The following PAK5 variants were observed in gnomAD, a reference collection of about 807,000 sequenced individuals.
PAK5 encodes the protein p21 (RAC1) activated kinase 5.
PAK5 carries 16 observed loss-of-function variants against 65.9 expected under a neutral mutation model. That is an observed-to-expected ratio of 0.24 (90% CI 0.16 to 0.37). The LOEUF is 0.37. Ranked by LOEUF, PAK5 falls within the 10% of genes least tolerant of loss-of-function variation. The pLI, the probability that PAK5 is intolerant of heterozygous loss-of-function variation, is 1.00. For missense variants in PAK5, 785 were observed against 903.9 expected (o/e 0.87, Z 1.69); for synonymous variants, 371 against 354.9 (o/e 1.05, Z -0.51).
chr20:9,829,296 T>C (rs932373364), intron 1 of PAK5, among the ~76,000 whole-genome samples: 1 of 152,158 alleles, frequency 6.6e-6, no homozygotes. Context: ...TCAAAGTGGG[T>C]TGATTAATCT....
intron 3 of PAK5, among the ~76,000 whole-genome samples, chr20:9,617,549 CTTTTTTTTTTTT>C (rs532259417): frequency 1.1e-4 from 10 of 94,614 alleles, no homozygotes; most frequent in African/African-American, 1.5e-4. Flanking sequence ...AATCCCAATC[CTTTTTTTTTTTT>C]TTTTTTTTTT....
intron 1 of PAK5, among the ~76,000 whole-genome samples, chr20:9,763,376 A>G (rs2048721866): frequency 6.6e-6 from 1 of 152,234 alleles, no homozygotes; most frequent in Non-Finnish European, 1.5e-5. Flanking sequence ...TCACAGGTGT[A>G]TACTTATCCC....
intron 1 of PAK5, among the ~76,000 whole-genome samples, chr20:9,732,770 T>G (rs73895970): frequency 6.6e-6 from 1 of 152,204 alleles, no homozygotes; most frequent in African/African-American, 2.4e-5. Flanking sequence ...TCCTCTTCAA[T>G]CATACCCCAA....
intron 2 of PAK5, among the ~76,000 whole-genome samples, chr20:9,703,043 A>G (rs1314596266): frequency 6.6e-6 from 1 of 152,150 alleles, no homozygotes; most frequent in Non-Finnish European, 1.5e-5. Context: ...GTCAAGTGAT[A>G]GATTGTACCT....
In PAK5 at chr20:9,769,099, A is replaced by C. The variant is rs191883363; in HGVS notation, c.-161-57664T>G. ...TCCCTTTAACACAGTGAGAACACAG[A>C]GTTCTAACTTACTAGGCCGAACTTC... On this transcript the variant is annotated intron_variant, in intron 1 of 9. Coordinates refer to ENST00000353224, the MANE Select transcript of PAK5 (RefSeq NM_177990.4). Among the ~76,000 whole-genome samples the C allele has an allele frequency of 2.0e-5, 3 of 152,336 alleles. No individual in the cohort carries two copies. The East Asian group carries it at 5.8e-4, about 29-fold the overall frequency.
chr20:9,722,056 GA>G (rs1200677093), intron 1 of PAK5, among the ~76,000 whole-genome samples: 1 of 152,096 alleles, frequency 6.6e-6, no homozygotes, highest in African/African-American at 2.4e-5. Flanking sequence ...GAAAGAAAAA[GA>G]GCTGGTCTAG....
At position 9,771,582 on chromosome 20, in the gene PAK5, A is replaced by ATTTTTTTTTTTTTTTTTTT. The variant is rs545140358; in HGVS notation, c.-161-60148_-161-60147insAAAAAAAAAAAAAAAAAAA. Among the ~76,000 whole-genome samples the ATTTTTTTTTTTTTTTTTTT allele has an allele frequency of 7.7e-4, 84 of 109,736 alleles. 3 individuals carry two copies. The highest frequency in any genetic ancestry group is 2.4e-3 in the African/African-American group (69 of 28,308). 72.0% of individuals were successfully genotyped at this position (109,736 alleles called of 152,430 possible). ...GCCACCACATTCAGTCAATTTTTTAATTTTTTTTTTTTTTTTTTGTAGAAA... is the reference window on the plus strand; with the variant it reads ...GCCACCACATTCAGTCAATTTTTTAATTTTTTTTTTTTTTTTTTTTTTTTTTTTTTTTTTTTTGTAGAAA... On this transcript the variant is annotated intron_variant, in intron 1 of 9. Coordinates refer to ENST00000353224, the MANE Select transcript of PAK5 (RefSeq NM_177990.4).
rs1287891972 is a variant in PAK5 at position 9,571,879 on chromosome 20, G to GC, written c.991-5496_991-5495insG. On this transcript the variant is annotated intron_variant, in intron 4 of 9. Transcript: ENST00000353224. Reference sequence around the variant, plus strand: ...ACAGAGATAGGCATGAATGATGGGGGGGGGGGATGTGGTCTTAACAGGGGC... The same window carrying GC: ...ACAGAGATAGGCATGAATGATGGGGGCGGGGGGATGTGGTCTTAACAGGGGC... Among the ~76,000 whole-genome samples, 112 of 144,568 alleles carry GC rather than the reference G, an allele frequency of 7.7e-4. 2 individuals carry two copies. The highest frequency in any genetic ancestry group is 4.2e-4 in the Admixed American group (6 of 14,384). 94.8% of individuals were successfully genotyped at this position (144,568 alleles called of 152,430 possible).
At chr20:9,583,512 C>T (rs1032758756) in intron 3 of PAK5, among the ~76,000 whole-genome samples, 4 of 152,162 alleles carry the variant, frequency 2.6e-5, no homozygotes, top group African/African-American at 9.7e-5. Flanking sequence ...AAGTTAGTGT[C>T]TTTTTTCCTG....
chr20:9,808,565 C>G (rs889070727), intron 1 of PAK5, among the ~76,000 whole-genome samples: 1 of 152,294 alleles, frequency 6.6e-6, no homozygotes, highest in Non-Finnish European at 1.5e-5. Context: ...AAATACTGAT[C>G]CATGCTAGAA....
chr20:9,668,310 C>G (rs892787720), intron 2 of PAK5, among the ~76,000 whole-genome samples: 1 of 152,060 alleles, frequency 6.6e-6, no homozygotes, highest in Non-Finnish European at 1.5e-5. Context: ...AATTTTGAGC[C>G]TAATGGAGTA....
chr20:9,760,081 ATGTGATGTTAT>A (rs1393493189), intron 1 of PAK5, among the ~76,000 whole-genome samples: 1 of 152,144 alleles, frequency 6.6e-6, no homozygotes, highest in Non-Finnish European at 1.5e-5. Context: ...TGTCCTTCCC[ATGTGATGTTAT>A]TGGGTAGCTG....
chr20:9,577,382 AACACAC>A (rs1568975082), intron 4 of PAK5: 3 of 150,288 alleles, frequency 2.0e-5, no homozygotes, highest in Non-Finnish European at 4.4e-5. Flanking sequence ...AACTGTGTCA[AACACAC>A]ACACGTGTGT....
At chr20:9,674,711 G>A (rs975694073) in intron 2 of PAK5, among the ~76,000 whole-genome samples, 3 of 152,192 alleles carry the variant, frequency 2.0e-5, no homozygotes, top group African/African-American at 7.2e-5. Flanking sequence ...GGAAAGCAGG[G>A]CAGGTGGAAG....
At chr20:9,665,616 GGGACTACAGTT>G (rs1432928143) in intron 2 of PAK5, among the ~76,000 whole-genome samples, 1 of 151,754 alleles carries the variant, frequency 6.6e-6, no homozygotes, top group East Asian at 1.9e-4. Context: ...CTGATTAGCT[GGGACTACAGTT>G]GCACTCCACC....
intron 2 of PAK5, among the ~76,000 whole-genome samples, chr20:9,689,997 G>C (rs535928785): frequency 3.9e-5 from 6 of 152,110 alleles, no homozygotes; most frequent in Non-Finnish European, 8.8e-5. Flanking sequence ...ACAAGATGCT[G>C]TACTCTAGAT....
intron 1 of PAK5, among the ~76,000 whole-genome samples, chr20:9,799,323 G>C (rs937197934): frequency 2.0e-5 from 3 of 152,030 alleles, no homozygotes; most frequent in African/African-American, 7.2e-5. Context: ...TCGTATCTTT[G>C]GGTTGTTTTT....
At chr20:9,575,489 T>A (rs1009820046) in intron 4 of PAK5, 2 of 152,172 alleles carry the variant, frequency 1.3e-5, no homozygotes, top group African/African-American at 4.8e-5. Context: ...AAAATCTGGA[T>A]TATCTTTTAA....
chr20:9,761,304 T>C (rs984396943), intron 1 of PAK5, among the ~76,000 whole-genome samples: 1 of 152,142 alleles, frequency 6.6e-6, no homozygotes, highest in Non-Finnish European at 1.5e-5. Flanking sequence ...CCGTTTAGAA[T>C]CAGGTGGTGA....
Sources: gnomAD v4.1 joint callset for allele counts (sites outside exome capture counted in the v4.1 genomes callset) on GRCh38, gnomAD v4.1.1 for gene constraint, MANE v1.5 for transcripts, NCBI Gene and HGNC (gene_info 2026-07-23, HGNC 2026-07-21) for gene names.